CACNA1D: variants seen among roughly 807,000 people sequenced by gnomAD.
The protein encoded by CACNA1D is calcium voltage-gated channel subunit alpha1 D, also known as voltage-dependent L-type calcium channel subunit alpha-1D.
Under a neutral mutation model 257.1 loss-of-function variants are expected in CACNA1D, and 55 were observed. The ratio of observed to expected loss-of-function variants is 0.21; its 90% CI spans 0.17 to 0.27. The LOEUF is 0.27. CACNA1D is among the 10% of genes least tolerant of loss of function. The probability of loss-of-function intolerance (pLI) is 1.00; values close to 1 mark genes in which losing one functional copy is unlikely to be tolerated. For missense variants in CACNA1D, 1,876 were observed against 2,784.0 expected (o/e 0.67, Z 7.34); for synonymous variants, 980 against 1,014.9 (o/e 0.97, Z 0.65).
chr3:53,775,694 A>G (rs1478829206), intron 34 of CACNA1D, among the ~76,000 whole-genome samples, 192 bp from the exon 35 acceptor site: 1 of 152,226 alleles, frequency 6.6e-6, no homozygotes, highest in Non-Finnish European at 1.5e-5. Flanking sequence ...AGGGAATTGC[A>G]GCAGGACCTC....
intron 3 of CACNA1D, among the ~76,000 whole-genome samples, chr3:53,583,891 A>G (rs2093171774): frequency 6.6e-6 from 1 of 152,202 alleles, no homozygotes; most frequent in African/African-American, 2.4e-5. Context: ...AGTTTTTCAA[A>G]GTCCTTTTTT....
chr3:53,751,896 T>C lies in CACNA1D; in HGVS notation c.3664T>C (p.Leu1222=), dbSNP rs2095229412. Residue 1222 remains leucine, a synonymous_variant, in exon 28 of 48, where the codon TTG becomes CTG. Coordinates refer to ENST00000350061, the MANE Select transcript of CACNA1D (RefSeq NM_001128840.3). This position sits in a 1 kb window ranked among gnomAD's most constrained non-coding sequence, Gnocchi z 4.3. The part of the protein sequence containing the change: ...FVLIMLNTLC[L]AMQHYEQSKM... ...CCTCATCATGCTCAACACACTCTGC[T>C]TGGCCATGCAGGTAAAAATGGAGAC... 6.2e-7 allele frequency: 1 copy of C among 1,614,122 alleles called. No individual in the cohort carries two copies. Among genetic ancestry groups the C allele is most frequent in the Non-Finnish European group, 8.5e-7 (1 of 1,180,016 alleles).
At position 53,751,442 on chromosome 3, in the gene CACNA1D, G is replaced by A. The variant is rs182705010; in HGVS notation, c.3517-307G>A. On this transcript the variant is annotated intron_variant, in intron 27 of 47. Transcript: ENST00000350061. The surrounding 1 kb of genome is among the most constrained non-coding windows in gnomAD (Gnocchi z 4.3). ...CTCCTGCTTGTGTATACACTGCAGGGCCTCAGGAAAGACAGCTAAAAGCTC... is the reference window on the plus strand; with the variant it reads ...CTCCTGCTTGTGTATACACTGCAGGACCTCAGGAAAGACAGCTAAAAGCTC... Among the ~76,000 whole-genome samples the A allele has an allele frequency of 6.6e-6, 1 of 152,348 alleles. No homozygotes were observed. Among genetic ancestry groups the A allele is most frequent in the African/African-American group, 2.4e-5 (1 of 41,580 alleles).
At chr3:53,684,972 A>G (rs1471967209) in intron 8 of CACNA1D, among the ~76,000 whole-genome samples, 2 of 152,210 alleles carry the variant, frequency 1.3e-5, no homozygotes, top group Non-Finnish European at 2.9e-5. Context: ...AAAATAAGTC[A>G]GAAAAGGAAG....
At chr3:53,556,872 T>C (rs1352907284) in intron 3 of CACNA1D, among the ~76,000 whole-genome samples, 1 of 151,904 alleles carries the variant, frequency 6.6e-6, no homozygotes, top group Admixed American at 6.6e-5. Flanking sequence ...TGTACCACCA[T>C]GTCTGGCTAA....
chr3:53,793,992 G>A lies in CACNA1D; in HGVS notation c.4924-6257G>A, dbSNP rs562280322. Among the ~76,000 whole-genome samples the A allele has an allele frequency of 1.3e-5, 2 of 152,342 alleles. No individual in the cohort carries two copies. The highest frequency in any genetic ancestry group is 4.1e-4 in the South Asian group (2 of 4,824). ...TGGATAGAAGATGAGAGGCAGGCCA[G>A]TATACATTGTAGGGAGGCTCTTCTC... On this transcript the variant is annotated intron_variant, in intron 40 of 47. Coordinates refer to ENST00000350061, the MANE Select transcript of CACNA1D (RefSeq NM_001128840.3). This position sits in a 1 kb window ranked among gnomAD's most constrained non-coding sequence, Gnocchi z 4.1.
chr3:53,509,823 C>G (rs1052912629), intron 3 of CACNA1D, among the ~76,000 whole-genome samples: 7 of 152,200 alleles, frequency 4.6e-5, no homozygotes, highest in Admixed American at 3.9e-4. Flanking sequence ...AATCCTTTTC[C>G]TGTGTCCGTC....
At chr3:53,779,971 A>C in intron 37 of CACNA1D, 55 bp from the exon 38 acceptor site, 1 of 1,158,538 alleles carries the variant, frequency 8.6e-7, no homozygotes, top group Non-Finnish European at 1.3e-6. Context: ...CCAAAAGGAT[A>C]TGGTCGTGGT....
intron 29 of CACNA1D, among the ~76,000 whole-genome samples, chr3:53,757,941 CTGTT>C (rs1416253002): frequency 2.6e-5 from 4 of 152,322 alleles, no homozygotes; most frequent in East Asian, 1.9e-4. Flanking sequence ...GTCTGCCTCT[CTGTT>C]TGTTGGTGAG....
At chr3:53,758,006 C>T (rs1422725184) in intron 29 of CACNA1D, among the ~76,000 whole-genome samples, 1 of 152,170 alleles carries the variant, frequency 6.6e-6, no homozygotes, top group Non-Finnish European at 1.5e-5. Flanking sequence ...TCTGTGGTAC[C>T]TCACATGATG....
chr3:53,534,385 G>A (rs1455818848), intron 3 of CACNA1D, among the ~76,000 whole-genome samples: 1 of 152,210 alleles, frequency 6.6e-6, no homozygotes, highest in Non-Finnish European at 1.5e-5. Flanking sequence ...AGCATCATTA[G>A]GGCCTGTGCC....
chr3:53,581,611 T>G (rs938222410), intron 3 of CACNA1D, among the ~76,000 whole-genome samples: 3 of 152,222 alleles, frequency 2.0e-5, no homozygotes, highest in African/African-American at 4.8e-5. Flanking sequence ...GTTAAATACT[T>G]AATGGCTTTC....
rs775480398 is a variant in CACNA1D, at chr3:53,747,448, C to T, written c.3314C>T (p.Ala1105Val). 2.0e-5 allele frequency: 32 copies of T among 1,614,010 alleles called. No individual in the cohort carries two copies. Among genetic ancestry groups the T allele is most frequent in the Non-Finnish European group, 2.4e-5 (28 of 1,179,978 alleles). The change falls in exon 26 of 48, where the codon GCG (alanine) becomes GTG (valine). Residue 1105 changes from alanine to valine, a missense_variant and splice_region_variant. Ala to Val is a moderately conservative substitution (Grantham distance 64, BLOSUM62 0). Coordinates refer to ENST00000350061, the MANE Select transcript of CACNA1D (RefSeq NM_001128840.3). ...FTVSTFEGWP[A>V]LLYKAIDSNG... ...GTCTCCACGTTTGAGGGCTGGCCTG[C>T]GTAAGTACAGGGAGCACACAGTCTT...
intron 39 of CACNA1D, 51 bp from the exon 40 acceptor site, chr3:53,786,771 C>T: frequency 7.6e-7 from 1 of 1,316,680 alleles, no homozygotes; most frequent in Non-Finnish European, 1.0e-6. Context: ...TGTTTAGGCT[C>T]TTGGTCTAAT....
At chr3:53,532,379 G>A (rs3774429) in intron 3 of CACNA1D, among the ~76,000 whole-genome samples, 6,596 of 152,238 alleles carry the variant, frequency 0.043, 349 homozygotes, top group African/African-American at 0.12. Flanking sequence ...TCCAGGCATT[G>A]TCTCCAATAG....
intron 15 of CACNA1D, among the ~76,000 whole-genome samples, chr3:53,728,868 G>A (rs943531340): frequency 2.0e-5 from 3 of 152,202 alleles, no homozygotes; most frequent in African/African-American, 4.8e-5. Flanking sequence ...GAATTCCAGA[G>A]CATGCCACTC....
intron 12 of CACNA1D, 46 bp downstream of exon 12, chr3:53,722,520 T>C: frequency 1.3e-6 from 2 of 1,589,552 alleles, no homozygotes; most frequent in Non-Finnish European, 1.7e-6. Context: ...TAGAGATTTC[T>C]GTGGCTGTCC....
intron 39 of CACNA1D, 163 bp from the exon 40 acceptor site, chr3:53,786,659 G>A (rs2095454411): frequency 3.1e-6 from 2 of 651,120 alleles, no homozygotes; most frequent in Admixed American, 2.5e-5. Flanking sequence ...GCTTTTTGCT[G>A]GTTTGAGACC....
chr3:53,500,130 G>A (rs1183107443), intron 2 of CACNA1D, among the ~76,000 whole-genome samples: 1 of 151,692 alleles, frequency 6.6e-6, no homozygotes, highest in Non-Finnish European at 1.5e-5. Flanking sequence ...AGTGGCTCAC[G>A]CCTGTAATTC....
Sources: gnomAD v4.1 joint callset for allele counts (sites outside exome capture counted in the v4.1 genomes callset) on GRCh38, gnomAD v4.1.1 for gene constraint, Gnocchi (gnomAD v3.1) non-coding constraint, MANE v1.5 for transcripts, NCBI Gene and HGNC (gene_info 2026-07-23, HGNC 2026-07-21) for gene names.